CAMTA1: variants seen among roughly 807,000 people sequenced by gnomAD.
CAMTA1 encodes calmodulin-binding transcription activator 1.
CAMTA1 carries 27 observed loss-of-function variants against 170.9 expected under a neutral mutation model. That is an observed-to-expected ratio of 0.16 (90% CI 0.12 to 0.22). The LOEUF (loss-of-function observed/expected upper bound fraction) is 0.22. Among genes scored for constraint, CAMTA1 ranks in the 10% least tolerant of loss-of-function variants. The pLI is 1.00. For synonymous variants in CAMTA1, 833 were observed against 891.5 expected (o/e 0.93, Z 1.17); for missense variants, 1,619 against 2,217.2 (o/e 0.73, Z 5.42).
chr1:7,486,159 T>C (rs967365056), intron 6 of CAMTA1, among the ~76,000 whole-genome samples: 2 of 152,198 alleles, frequency 1.3e-5, no homozygotes, highest in African/African-American at 4.8e-5. Context: ...TGGCCAGATT[T>C]TCGTAGGTGT....
At position 7,292,276 on chromosome 1, in the gene CAMTA1, C is replaced by T. The variant is rs1673251054; in HGVS notation, c.438+42650C>T. Among the ~76,000 whole-genome samples, 3 of 152,078 alleles carry T rather than the reference C, an allele frequency of 2.0e-5. No individual in the cohort carries two copies. In the South Asian group the frequency reaches 6.2e-4, roughly 32 times the overall value. Reference sequence around the variant, plus strand: ...TTCTCTGGGGATCAATTATGAACTACTCTTACGTCCTGGCAGTTTCAAAAG... The same window carrying T: ...TTCTCTGGGGATCAATTATGAACTATTCTTACGTCCTGGCAGTTTCAAAAG... On this transcript the variant is annotated intron_variant, in intron 5 of 22. Transcript: ENST00000303635.
intron 5 of CAMTA1, among the ~76,000 whole-genome samples, chr1:7,262,027 C>T (rs1258199390): frequency 6.6e-6 from 1 of 152,184 alleles, no homozygotes; most frequent in Non-Finnish European, 1.5e-5. Flanking sequence ...ATGTGGTGCC[C>T]TCACACTGGT....
At chr1:7,099,193 G>T (rs1642434914) in intron 4 of CAMTA1, among the ~76,000 whole-genome samples, 1 of 152,124 alleles carries the variant, frequency 6.6e-6, no homozygotes, top group South Asian at 2.1e-4. Flanking sequence ...TGGGATTACA[G>T]GTGCCTGCCA....
Position 7,092,884 on chromosome 1 carries a change from T to C in CAMTA1, c.302+1513T>C, listed in dbSNP as rs535849468. Among the ~76,000 whole-genome samples, 3 of 152,278 alleles carry C rather than the reference T, an allele frequency of 2.0e-5. No individual in the cohort carries two copies. The East Asian group carries it at 5.8e-4, about 29-fold the overall frequency. On this transcript the variant is annotated intron_variant, in intron 4 of 22. Transcript: ENST00000303635. This position sits in a 1 kb window ranked among gnomAD's most constrained non-coding sequence, Gnocchi z 5.0. The stretch of plus-strand genomic sequence containing the variant: ...GCAGAGGCTTACAAGCCCAAGGCAG[T>C]TGATGCAGGTGCAGTTGAAACTCCT...
intron 5 of CAMTA1, among the ~76,000 whole-genome samples, chr1:7,418,852 C>T (rs1349672142): frequency 6.6e-6 from 1 of 152,122 alleles, no homozygotes; most frequent in Non-Finnish European, 1.5e-5. Context: ...TGGCTCTGCC[C>T]TTGCATGCTG....
chr1:7,111,658 GGCAGATCAC>G (rs1644046776), intron 4 of CAMTA1, among the ~76,000 whole-genome samples: 1 of 152,008 alleles, frequency 6.6e-6, no homozygotes, highest in Non-Finnish European at 1.5e-5. Context: ...GGATGAGGTG[GGCAGATCAC>G]GAGGTCAGGA....
chr1:7,535,782 C>A (rs2094542352), intron 6 of CAMTA1, among the ~76,000 whole-genome samples: 1 of 152,182 alleles, frequency 6.6e-6, no homozygotes, highest in Admixed American at 6.5e-5. Flanking sequence ...GGAGGTGATA[C>A]CTCAGCCAGT....
chr1:7,738,330 G>A lies in CAMTA1; in HGVS notation c.4030G>A (p.Val1344Ile). The A allele has an allele frequency of 1.2e-6, 2 of 1,614,248 alleles. No homozygotes were observed. Among genetic ancestry groups the A allele is most frequent in the South Asian group, 1.1e-5 (1 of 91,092 alleles). The part of the protein sequence containing the change: ...QVTGNPKGTS[V>I]GKEAAPSQVR... ...GACTGGAAATCCGAAGGGGACCAGT[G>A]TAGGAAAGGAGGCAGCACCTTCACA... The change falls in exon 16 of 23, where the codon GTA becomes ATA. Residue 1344 changes from valine to isoleucine, a missense_variant. By Grantham distance (29) the Val-to-Ile change is conservative. This residue lies in a region of CAMTA1 where 370 missense variants were observed against 429.4 expected (regional missense o/e 0.86). Coordinates refer to ENST00000303635, the MANE Select transcript of CAMTA1 (RefSeq NM_015215.4). The surrounding 1 kb of genome is among the most constrained non-coding windows in gnomAD (Gnocchi z 4.9).
chr1:7,737,113 G>C, intron 14 of CAMTA1, 104 bp downstream of exon 14: 21 of 1,323,878 alleles, frequency 1.6e-5, no homozygotes, highest in Non-Finnish European at 2.3e-5. Flanking sequence ...GCATGTTTCG[G>C]AGATACTTTG....
chr1:7,485,765 T>C (rs192647432), intron 6 of CAMTA1, among the ~76,000 whole-genome samples: 145 of 152,348 alleles, frequency 9.5e-4, no homozygotes, highest in Middle Eastern at 3.4e-3. Context: ...CAATGACTTA[T>C]CCAGGGACAC....
intron 5 of CAMTA1, among the ~76,000 whole-genome samples, chr1:7,322,491 T>A (rs1040485923): frequency 1.3e-5 from 2 of 152,266 alleles, no homozygotes; most frequent in Non-Finnish European, 2.9e-5. Flanking sequence ...AAACTTTATT[T>A]ATAAAAACAG....
intron 6 of CAMTA1, among the ~76,000 whole-genome samples, chr1:7,537,200 G>A (rs2094559529): frequency 6.6e-6 from 1 of 152,212 alleles, no homozygotes; most frequent in Non-Finnish European, 1.5e-5. Flanking sequence ...CGGTTTATGG[G>A]GCGAAGCATG....
intron 5 of CAMTA1, among the ~76,000 whole-genome samples, chr1:7,439,655 C>T (rs2092460061): frequency 6.6e-6 from 1 of 152,216 alleles, no homozygotes; most frequent in Non-Finnish European, 1.5e-5. Flanking sequence ...AGAGTGCAGG[C>T]CCATAGGCCA....
chr1:6,829,076 A>G (rs1391373321), intron 3 of CAMTA1, among the ~76,000 whole-genome samples: 2 of 151,474 alleles, frequency 1.3e-5, no homozygotes, highest in African/African-American at 4.9e-5. Context: ...TTTGTATTTT[A>G]TAATTTTGTA....
chr1:7,418,770 T>C (rs1226573676), intron 5 of CAMTA1, among the ~76,000 whole-genome samples: 2 of 152,208 alleles, frequency 1.3e-5, no homozygotes, highest in African/African-American at 2.4e-5. Context: ...TTCCAAGCTC[T>C]CTGGGCAAGC....
intron 3 of CAMTA1, among the ~76,000 whole-genome samples, chr1:7,013,231 T>TTTTTTTC (rs1700078647): frequency 6.8e-6 from 1 of 146,762 alleles, no homozygotes; most frequent in Non-Finnish European, 1.5e-5. Context: ...TTTTTTTTTT[T>TTTTTTTC]TGAGATAGAG....
intron 11 of CAMTA1, among the ~76,000 whole-genome samples, chr1:7,689,927 T>G (rs1397103853): frequency 6.6e-6 from 1 of 152,030 alleles, no homozygotes; most frequent in African/African-American, 2.4e-5. Flanking sequence ...GGAGGCCGAG[T>G]TGGGCGTATC....
chr1:7,485,846 C>A (rs151001699), intron 6 of CAMTA1, among the ~76,000 whole-genome samples: 73 of 152,386 alleles, frequency 4.8e-4, no homozygotes, highest in Non-Finnish European at 8.5e-4. Context: ...CTTTCTGAGA[C>A]TTCCCTCTCA....
At chr1:6,788,203 A>G (rs1326188914) in intron 1 of CAMTA1, among the ~76,000 whole-genome samples, 1 of 150,052 alleles carries the variant, frequency 6.7e-6, no homozygotes, top group Non-Finnish European at 1.5e-5. Flanking sequence ...CTTTCACGAA[A>G]TTCAGAATGG....
Sources: gnomAD v4.1 joint callset for allele counts (sites outside exome capture counted in the v4.1 genomes callset) on GRCh38, gnomAD v4.1.1 for gene constraint, gnomAD v4.1.1 regional missense constraint, Gnocchi (gnomAD v3.1) non-coding constraint, MANE v1.5 for transcripts, NCBI Gene and HGNC (gene_info 2026-07-23, HGNC 2026-07-21) for gene names.